Variants in PTK2 observed in about 807,000 individuals in gnomAD.
PTK2 encodes protein tyrosine kinase 2, also known as focal adhesion kinase 1.
PTK2 carries 45 observed loss-of-function variants against 150.1 expected under a neutral mutation model. That is an observed-to-expected ratio of 0.30 (90% CI 0.24 to 0.38). The LOEUF (loss-of-function observed/expected upper bound fraction) is 0.38, where lower values mean the gene tolerates loss of function less well. Ranked by LOEUF, PTK2 falls within the 10% of genes least tolerant of loss-of-function variation. The pLI, the probability that PTK2 is intolerant of heterozygous loss-of-function variation, is 1.00. For missense variants in PTK2, 919 were observed against 1,307.3 expected (o/e 0.70, Z 4.58); for synonymous variants, 432 against 449.2 (o/e 0.96, Z 0.48).
At chr8:140,732,710 C>A in intron 22 of PTK2, 1 of 386,488 alleles carries the variant, frequency 2.6e-6, no homozygotes, top group South Asian at 2.0e-5. Flanking sequence ...ACTGTAGGTG[C>A]TCAACAGTGT....
chr8:140,730,583 C>A (rs1006725962), intron 22 of PTK2, among the ~76,000 whole-genome samples: 6 of 152,062 alleles, frequency 3.9e-5, no homozygotes, highest in Non-Finnish European at 8.8e-5. Context: ...TGGTGACAGA[C>A]TGTATCCAAC....
At chr8:140,739,477 CAT>C (rs1006190354) in intron 20 of PTK2, among the ~76,000 whole-genome samples, 7 of 152,156 alleles carry the variant, frequency 4.6e-5, no homozygotes, top group African/African-American at 1.7e-4. Flanking sequence ...TCGCTATACA[CAT>C]GTCCTGCTAA....
intron 5 of PTK2, among the ~76,000 whole-genome samples, chr8:140,847,629 T>C (rs2100126390): frequency 2.0e-5 from 3 of 152,152 alleles, no homozygotes; most frequent in Admixed American, 6.6e-5. Flanking sequence ...CATGCTCAAT[T>C]ATTATATTAT....
chr8:140,810,598 C>T, intron 10 of PTK2, among the ~76,000 whole-genome samples: 1 of 152,212 alleles, frequency 6.6e-6, no homozygotes, highest in East Asian at 1.9e-4. Flanking sequence ...TAGCCCACAG[C>T]AATTCCCAAC....
At chr8:140,684,096 T>G (rs907961860) in intron 27 of PTK2, among the ~76,000 whole-genome samples, 1 of 152,196 alleles carries the variant, frequency 6.6e-6, no homozygotes, top group Non-Finnish European at 1.5e-5. Flanking sequence ...GATGTGATTT[T>G]ATACACAGAA....
chr8:140,873,119 A>G lies in PTK2; in HGVS notation c.362+6352T>C, dbSNP rs2100143469. Among the ~76,000 whole-genome samples the G allele has an allele frequency of 1.3e-5, 2 of 152,238 alleles. 1 individual carries two copies. Among genetic ancestry groups the G allele is most frequent in the South Asian group, 4.1e-4 (2 of 4,836 alleles). ...TAGAAACTAGAGCTAGAGTCTCTGAAAGAGAGAACTTGAAAGGGAACTGCA... is the reference window on the plus strand; with the variant it reads ...TAGAAACTAGAGCTAGAGTCTCTGAGAGAGAGAACTTGAAAGGGAACTGCA... On this transcript the variant is annotated intron_variant, in intron 4 of 31. Coordinates refer to ENST00000522684, the Ensembl canonical transcript of PTK2.
rs536238236 is a variant in PTK2, at chr8:140,806,255, T to G, written c.868-2605A>C. Among the ~76,000 whole-genome samples, 3 of 152,336 alleles carry G rather than the reference T, an allele frequency of 2.0e-5. No homozygotes were observed. The South Asian group carries it at 6.2e-4, about 32-fold the overall frequency. On this transcript the variant is annotated intron_variant, in intron 10 of 31. Transcript: ENST00000522684. ...CGCGTAATGCAAGGGAATCCTATAC[T>G]ATGCTGTTTTTGAAGTTTTATTAAG...
chr8:140,856,904 G>A (rs1230241218), intron 5 of PTK2, among the ~76,000 whole-genome samples: 3 of 152,182 alleles, frequency 2.0e-5, no homozygotes, highest in African/African-American at 7.2e-5. Flanking sequence ...CTAAAGGGAT[G>A]GAGAGATAAA....
At position 140,808,733 on chromosome 8, in the gene PTK2, G is replaced by GTTTTTTTT. The variant is rs57600032; in HGVS notation, c.868-5091_868-5084dup. ...AAATAAAAATAAAATTTTTGTTCTTGTTTTTTTTTTTTTTTTTTTTGAGAT... is the reference window on the plus strand; with the variant it reads ...AAATAAAAATAAAATTTTTGTTCTTGTTTTTTTTTTTTTTTTTTTTTTTTTTTTGAGAT... On this transcript the variant is annotated intron_variant, in intron 10 of 31. Transcript: ENST00000522684. Among the ~76,000 whole-genome samples, 21 of 116,576 alleles carry GTTTTTTTT rather than the reference G, an allele frequency of 1.8e-4. 1 individual carries two copies. The highest frequency in any genetic ancestry group is 4.8e-4 in the African/African-American group (14 of 29,056). The allele number at this position is 116,576 out of a possible 152,430, so 76.5% of individuals were successfully genotyped here.
chr8:140,752,870 G>A (rs149380006), intron 16 of PTK2, among the ~76,000 whole-genome samples: 339 of 152,320 alleles, frequency 2.2e-3, no homozygotes, highest in Middle Eastern at 0.01. Context: ...AGTGTATAGC[G>A]TGCTCAAGGA....
intron 22 of PTK2, among the ~76,000 whole-genome samples, chr8:140,728,501 C>A (rs2100047260): frequency 6.6e-6 from 1 of 152,140 alleles, no homozygotes; most frequent in African/African-American, 2.4e-5. Context: ...TTACCATGAG[C>A]AATGGACATG....
intron 17 of PTK2, among the ~76,000 whole-genome samples, chr8:140,749,636 C>A (rs767085192): frequency 2.0e-5 from 3 of 152,184 alleles, no homozygotes; most frequent in African/African-American, 7.2e-5. Context: ...AATGACAGAG[C>A]TGAATACTTG....
intron 7 of PTK2, among the ~76,000 whole-genome samples, chr8:140,834,034 A>G (rs561032443): frequency 6.6e-6 from 1 of 152,346 alleles, no homozygotes; most frequent in Non-Finnish European, 1.5e-5. Context: ...CCCAACTGCA[A>G]TGCTCATCAC....
chr8:140,702,518 C>A, intron 25 of PTK2, 52 bp downstream of exon 28: 1 of 1,592,026 alleles, frequency 6.3e-7, no homozygotes, highest in Non-Finnish European at 8.6e-7. Flanking sequence ...CCATGCCCAG[C>A]TTTGCCATGC....
At chr8:140,870,026 C>T (rs572281254) in intron 4 of PTK2, among the ~76,000 whole-genome samples, 3 of 151,960 alleles carry the variant, frequency 2.0e-5, no homozygotes, top group East Asian at 1.9e-4. Context: ...AATAACATGA[C>T]GATAAGCTTG....
intron 4 of PTK2, among the ~76,000 whole-genome samples, chr8:140,869,850 T>C (rs1490684405): frequency 2.0e-5 from 3 of 151,444 alleles, no homozygotes; most frequent in South Asian, 4.2e-4. Context: ...CTTAAAATCA[T>C]AAAGAATCAC....
chr8:140,872,242 A>T (rs940953653), intron 4 of PTK2, among the ~76,000 whole-genome samples: 1 of 151,260 alleles, frequency 6.6e-6, no homozygotes, highest in Admixed American at 6.6e-5. Flanking sequence ...ACGGGGTTTC[A>T]CCATGTTGGC....
At chr8:140,754,745 G>C (rs771397692) in intron 16 of PTK2, among the ~76,000 whole-genome samples, 12 of 152,166 alleles carry the variant, frequency 7.9e-5, no homozygotes, top group Non-Finnish European at 1.3e-4. Flanking sequence ...CTCAGCCTTC[G>C]GTTTGGCGAA....
intron 3 of PTK2, among the ~76,000 whole-genome samples, chr8:140,888,954 T>C (rs2100153272): frequency 1.3e-5 from 2 of 152,196 alleles, no homozygotes; most frequent in Non-Finnish European, 2.9e-5. Context: ...CAAGGTTTTT[T>C]TCCAGTATGA....
Sources: gnomAD v4.1 joint callset for allele counts (sites outside exome capture counted in the v4.1 genomes callset) on GRCh38, gnomAD v4.1.1 for gene constraint, MANE v1.5 for transcripts, NCBI Gene and HGNC (gene_info 2026-07-23, HGNC 2026-07-21) for gene names.